TTC6: variants seen among roughly 807,000 people sequenced by gnomAD.
TTC6 encodes tetratricopeptide repeat protein 6.
In TTC6, 172 loss-of-function variants were observed where a neutral mutation model predicts 210.4. The observed-to-expected ratio is 0.82, with a 90% CI of 0.72 to 0.93. TTC6 has a LOEUF of 0.93. TTC6 is among the 40% of genes least tolerant of loss of function. The pLI is 0.00. For synonymous variants in TTC6, 804 were observed against 819.6 expected, an observed-to-expected ratio of 0.98 and a Z score of 0.32; for missense variants, 2,414 against 2,318.1, an observed-to-expected ratio of 1.04 and a Z score of -0.85.
chr14:37,656,368 A>G (rs890078233), intron 1 of TTC6, among the ~76,000 whole-genome samples: 2 of 152,192 alleles, frequency 1.3e-5, no homozygotes, highest in African/African-American at 4.8e-5. Context: ...ACATCTTTGA[A>G]CAGCTACTAT....
intron 14 of TTC6, among the ~76,000 whole-genome samples, chr14:37,782,534 CGAT>C (rs1334663948): frequency 6.6e-6 from 1 of 151,790 alleles, no homozygotes; most frequent in Non-Finnish European, 1.5e-5. Flanking sequence ...TGGGCTGAGA[CGAT>C]GGGGTTTTCT....
At chr14:37,798,130 C>A (rs2096096891) in intron 20 of TTC6, among the ~76,000 whole-genome samples, 1 of 152,126 alleles carries the variant, frequency 6.6e-6, no homozygotes, top group Admixed American at 6.6e-5. Flanking sequence ...CCTGGTTAAT[C>A]TTCAGCATTT....
chr14:37,702,254 T>G (rs1287672732), intron 5 of TTC6, among the ~76,000 whole-genome samples: 1 of 152,216 alleles, frequency 6.6e-6, no homozygotes, highest in Non-Finnish European at 1.5e-5. Flanking sequence ...TATCTCTTGA[T>G]AGTGATAGAA....
chr14:37,780,427 T>C (rs532940715), intron 14 of TTC6, among the ~76,000 whole-genome samples: 1 of 152,174 alleles, frequency 6.6e-6, no homozygotes, highest in South Asian at 2.1e-4. Context: ...CAGGCCCCAG[T>C]GTGTGTTGTT....
At chr14:37,757,196 C>G (rs1248857287) in intron 14 of TTC6, among the ~76,000 whole-genome samples, 3 of 151,802 alleles carry the variant, frequency 2.0e-5, no homozygotes, top group Non-Finnish European at 4.4e-5. Context: ...GTCATATCCC[C>G]TTTATCATTT....
chr14:37,618,435 T>G (rs2095646193), upstream of TTC6, among the ~76,000 whole-genome samples: 1 of 152,184 alleles, frequency 6.6e-6, no homozygotes, highest in African/African-American at 2.4e-5. Flanking sequence ...ATCAACCTGG[T>G]TTGTGAGCTG....
intron 1 of TTC6, among the ~76,000 whole-genome samples, chr14:37,661,565 T>A (rs1357622737): frequency 1.3e-5 from 2 of 152,228 alleles, no homozygotes; most frequent in African/African-American, 4.8e-5. Flanking sequence ...CTGTTTTGGT[T>A]ATTGCAGCCT....
At chr14:37,727,074 A>G (rs986970629) in intron 7 of TTC6, among the ~76,000 whole-genome samples, 2 of 151,504 alleles carry the variant, frequency 1.3e-5, no homozygotes, top group African/African-American at 4.8e-5. Context: ...CTTTTATTTT[A>G]TTTTTTTAGA....
chr14:37,818,444 T>C (rs905288289), intron 26 of TTC6, among the ~76,000 whole-genome samples: 2 of 152,136 alleles, frequency 1.3e-5, no homozygotes, highest in African/African-American at 4.8e-5. Context: ...TTTGGTTAAA[T>C]AATAGTTTAT....
exon 27 of TTC6, chr14:37,823,787 G>A (rs2096163687): frequency 2.5e-6 from 4 of 1,613,722 alleles, no homozygotes; most frequent in Admixed American, 1.7e-5. Flanking sequence ...CTTTACTTGG[G>A]CTCTTAAAAT....
chr14:37,788,695 G>A (rs1415594444), intron 15 of TTC6, among the ~76,000 whole-genome samples: 2 of 151,984 alleles, frequency 1.3e-5, no homozygotes, highest in African/African-American at 2.4e-5. Context: ...CTGTTCTCTC[G>A]GCTTTGCTTT....
intron 1 of TTC6, among the ~76,000 whole-genome samples, chr14:37,605,612 A>G (rs2095623719): frequency 6.6e-6 from 1 of 152,184 alleles, no homozygotes; most frequent in Non-Finnish European, 1.5e-5. Flanking sequence ...CTCTAAGCTC[A>G]ATGTTTAGGC....
At chr14:37,642,116 C>T (rs2095692976) in intron 1 of TTC6, among the ~76,000 whole-genome samples, 1 of 152,224 alleles carries the variant, frequency 6.6e-6, no homozygotes, top group African/African-American at 2.4e-5. Flanking sequence ...CCCTTGACTT[C>T]TCTTTCAGAT....
At chr14:37,675,061 T>G (rs1008456554) in intron 1 of TTC6, among the ~76,000 whole-genome samples, 2 of 152,102 alleles carry the variant, frequency 1.3e-5, no homozygotes, top group African/African-American at 4.8e-5. Context: ...ATTACTTTTT[T>G]TTTTACACTG....
intron 1 of TTC6, among the ~76,000 whole-genome samples, chr14:37,665,303 G>A (rs531078056): frequency 2.7e-5 from 4 of 150,708 alleles, no homozygotes; most frequent in African/African-American, 9.7e-5. Context: ...ATATACCATG[G>A]AATACTATGC....
chr14:37,759,584 T>A (rs985865106), intron 14 of TTC6, among the ~76,000 whole-genome samples: 1 of 152,256 alleles, frequency 6.6e-6, no homozygotes. Context: ...GATAACATCC[T>A]GAAGTGTGTT....
intron 1 of TTC6, among the ~76,000 whole-genome samples, chr14:37,650,642 T>G (rs1378498970): frequency 1.3e-5 from 2 of 152,218 alleles, no homozygotes; most frequent in East Asian, 3.9e-4. Flanking sequence ...CTGCTTCTTG[T>G]CTCTGCTAGA....
chr14:37,646,487 C>T (rs1017714409), intron 1 of TTC6, among the ~76,000 whole-genome samples: 1 of 151,968 alleles, frequency 6.6e-6, no homozygotes, highest in African/African-American at 2.4e-5. Context: ...GAAAGTAATA[C>T]AAGAAGACAT....
intron 14 of TTC6, among the ~76,000 whole-genome samples, chr14:37,759,870 G>C (rs563499340): frequency 6.6e-6 from 1 of 151,984 alleles, no homozygotes; most frequent in East Asian, 1.9e-4. Context: ...TCTTCTTCTC[G>C]AAATTGGTTA....
Sources: gnomAD v4.1 joint callset for allele counts (sites outside exome capture counted in the v4.1 genomes callset) on GRCh38, gnomAD v4.1.1 for gene constraint, MANE v1.5 for transcripts, NCBI Gene and HGNC (gene_info 2026-07-23, HGNC 2026-07-21) for gene names.